The following SMOC2 variants were observed in gnomAD, a reference collection of about 807,000 sequenced individuals.
The protein encoded by SMOC2 is SPARC related modular calcium binding 2.
A neutral mutation model predicts 61.4 loss-of-function variants in SMOC2; 39 were observed. That is an observed-to-expected ratio of 0.64 (90% CI 0.49 to 0.83). The LOEUF (loss-of-function observed/expected upper bound fraction) is 0.83, where lower values mean the gene tolerates loss of function less well. SMOC2 is among the 40% of genes least tolerant of loss of function. SMOC2 has a pLI of 0.00. For missense variants in SMOC2, 556 were observed against 592.9 expected (o/e 0.94, Z 0.65); for synonymous variants, 247 against 239.9 (o/e 1.03, Z -0.27).
At chr6:168,571,412 G>A (rs966921125) in intron 7 of SMOC2, among the ~76,000 whole-genome samples, 2 of 152,086 alleles carry the variant, frequency 1.3e-5, no homozygotes, top group Non-Finnish European at 2.9e-5. Context: ...ACCATCTCAG[G>A]TTATTGGAAA....
intron 1 of SMOC2, among the ~76,000 whole-genome samples, chr6:168,493,500 C>G (rs749469280): frequency 2.0e-5 from 3 of 152,124 alleles, no homozygotes; most frequent in Non-Finnish European, 1.5e-5. Context: ...GTATGGATGG[C>G]AAAGTAAGTG....
chr6:168,548,723 TC>T, intron 6 of SMOC2, among the ~76,000 whole-genome samples: 1 of 152,322 alleles, frequency 6.6e-6, no homozygotes, highest in South Asian at 2.1e-4. Context: ...CTGAAAAGTT[TC>T]AGGCAAAAGT....
At chr6:168,613,881 C>G (rs530533071) in intron 9 of SMOC2, among the ~76,000 whole-genome samples, 3 of 101,250 alleles carry the variant, frequency 3.0e-5, no homozygotes, top group Non-Finnish European at 2.1e-5. Context: ...ACAGCCAGCA[C>G]AGGACCTCTT....
chr6:168,511,539 A>T (rs995375530), intron 2 of SMOC2, among the ~76,000 whole-genome samples: 4 of 152,190 alleles, frequency 2.6e-5, no homozygotes, highest in Non-Finnish European at 4.4e-5. Context: ...TCAAGGTGAG[A>T]TTTGGGTGGG....
At chr6:168,480,070 GC>G (rs200934490) in intron 1 of SMOC2, among the ~76,000 whole-genome samples, 6,653 of 152,090 alleles carry the variant, frequency 0.044, 231 homozygotes, top group Non-Finnish European at 0.069. Context: ...CACAGAGACA[GC>G]CCACAATAAG....
At chr6:168,665,288 A>G in intron 12 of SMOC2, 1 of 154,620 alleles carries the variant, frequency 6.5e-6, no homozygotes, top group East Asian at 1.9e-4. Context: ...CCCTCCTTTT[A>G]TAGTGCCTGC....
At chr6:168,539,686 C>T (rs1449500573) in intron 4 of SMOC2, among the ~76,000 whole-genome samples, 2 of 152,246 alleles carry the variant, frequency 1.3e-5, no homozygotes, top group African/African-American at 4.8e-5. Context: ...CTTCCAGCAT[C>T]TGGAGCAGCT....
chr6:168,502,764 T>C (rs897668323), intron 1 of SMOC2, among the ~76,000 whole-genome samples: 1 of 151,782 alleles, frequency 6.6e-6, no homozygotes, highest in Non-Finnish European at 1.5e-5. Flanking sequence ...TAATTTAATT[T>C]AATTTAATTT....
At chr6:168,608,065 G>A in intron 8 of SMOC2, 92 bp from the exon 9 acceptor site, 1 of 1,178,772 alleles carries the variant, frequency 8.5e-7, no homozygotes, top group Admixed American at 2.0e-5. Flanking sequence ...GTGTATGCTA[G>A]GGTAGGACAC....
At chr6:168,581,411 G>A (rs545033184) in intron 7 of SMOC2, among the ~76,000 whole-genome samples, 1 of 152,308 alleles carries the variant, frequency 6.6e-6, no homozygotes, top group Admixed American at 6.5e-5. Flanking sequence ...GAGGACGAAG[G>A]AGCTTCGCCC....
At chr6:168,597,265 A>G (rs1436975531) in intron 7 of SMOC2, among the ~76,000 whole-genome samples, 1 of 152,248 alleles carries the variant, frequency 6.6e-6, no homozygotes, top group Non-Finnish European at 1.5e-5. Flanking sequence ...GACTAATCAT[A>G]AAATTACGAA....
chr6:168,535,634 C>G lies in SMOC2; in HGVS notation c.463+7907C>G, dbSNP rs939224765. 6.6e-6 allele frequency among the ~76,000 whole-genome samples: 1 copy of G among 152,196 alleles called. No homozygotes were observed. The highest frequency in any genetic ancestry group is 2.4e-5 in the African/African-American group (1 of 41,456). On this transcript the variant is annotated intron_variant, in intron 4 of 12. Transcript: ENST00000356284. This position sits in a 1 kb window ranked among gnomAD's most constrained non-coding sequence, Gnocchi z 4.6. Reference sequence around the variant, plus strand: ...GCCGGTGCCACAAAGTCCACCGAAACCCTCCTCCAAGTCCATAAATAACAT... The same window carrying G: ...GCCGGTGCCACAAAGTCCACCGAAAGCCTCCTCCAAGTCCATAAATAACAT...
Position 168,441,348 on chromosome 6 carries a change from C to T in SMOC2, c.-23C>T. The T allele has an allele frequency of 1.3e-6, 2 of 1,499,934 alleles. No individual in the cohort carries two copies. Among genetic ancestry groups the T allele is most frequent in the Non-Finnish European group, 1.8e-6 (2 of 1,131,218 alleles). The allele number at this position is 1,499,934 out of a possible 1,614,324, so 92.9% of individuals were successfully genotyped here. A position where few individuals can be genotyped will look rare whatever the true frequency, so the allele number is the denominator to read the frequency against. ...CAGGGCGCAGGACGCGGCCGATCTC[C>T]CGCTCCCGCCACCTCCGCCACCATG... On this transcript the variant is annotated 5_prime_UTR_variant, in exon 1 of 13. Coordinates refer to ENST00000356284, the MANE Select transcript of SMOC2 (RefSeq NM_001166412.2).
intron 7 of SMOC2, among the ~76,000 whole-genome samples, chr6:168,582,784 G>GTAAC (rs796677211): frequency 2.6e-5 from 4 of 152,332 alleles, no homozygotes; most frequent in African/African-American, 9.6e-5. Flanking sequence ...TCAGAGCTTA[G>GTAAC]TAACATTCAG....
chr6:168,492,910 G>T (rs972873296), intron 1 of SMOC2, among the ~76,000 whole-genome samples: 6 of 152,190 alleles, frequency 3.9e-5, no homozygotes, highest in African/African-American at 1.4e-4. Context: ...ATCTGTTTCA[G>T]CATCACTGCA....
At chr6:168,621,841 G>A (rs1786254271) in intron 9 of SMOC2, among the ~76,000 whole-genome samples, 1 of 152,024 alleles carries the variant, frequency 6.6e-6, no homozygotes, top group Non-Finnish European at 1.5e-5. Context: ...AATTCAAGGT[G>A]AGATCTGGGC....
At chr6:168,577,443 T>C (rs1384949233) in intron 7 of SMOC2, among the ~76,000 whole-genome samples, 1 of 152,204 alleles carries the variant, frequency 6.6e-6, no homozygotes, top group Non-Finnish European at 1.5e-5. Flanking sequence ...TTGACCCAGT[T>C]TCAGATGAGG....
chr6:168,624,703 C>T (rs1365502197), intron 9 of SMOC2, among the ~76,000 whole-genome samples: 2 of 151,846 alleles, frequency 1.3e-5, no homozygotes, highest in Non-Finnish European at 2.9e-5. Flanking sequence ...TACAGATGTA[C>T]ACGGACACAC....
intron 1 of SMOC2, among the ~76,000 whole-genome samples, chr6:168,500,305 A>G (rs891358410): frequency 6.8e-5 from 10 of 146,730 alleles, no homozygotes; most frequent in African/African-American, 2.5e-4. Context: ...AAAAAAAAAA[A>G]GAAGAAGAAA....
Sources: allele counts gnomAD v4.1 joint callset (sites outside exome capture counted in the v4.1 genomes callset), GRCh38; gene constraint gnomAD v4.1.1; non-coding constraint Gnocchi (gnomAD v3.1); transcripts MANE v1.5; gene names NCBI Gene and HGNC (gene_info 2026-07-23, HGNC 2026-07-21).